Variants in MPP7 observed in about 807,000 individuals in gnomAD.
The protein encoded by MPP7 is MAGUK p55 scaffold protein 7.
A neutral mutation model predicts 76.5 loss-of-function variants in MPP7; 60 were observed. That is an observed-to-expected ratio of 0.78 (90% CI 0.64 to 0.97). The LOEUF is 0.97. Ranked by LOEUF, MPP7 falls within the 50% of genes least tolerant of loss-of-function variation. MPP7 has a pLI of 0.00. For synonymous variants in MPP7, 237 were observed against 244.5 expected (o/e 0.97, Z 0.29); for missense variants, 641 against 694.0 (o/e 0.92, Z 0.86).
At chr10:28,182,971 A>G (rs1245262407) in intron 3 of MPP7, among the ~76,000 whole-genome samples, 1 of 152,194 alleles carries the variant, frequency 6.6e-6, no homozygotes, top group Non-Finnish European at 1.5e-5. Flanking sequence ...CCAGCTATTC[A>G]GGAGGCTGAG....
intron 13 of MPP7, 97 bp downstream of exon 13, chr10:28,069,675 T>A: frequency 9.7e-6 from 10 of 1,030,796 alleles, no homozygotes; most frequent in Non-Finnish European, 1.4e-5. Context: ...ACCCAAAAAA[T>A]TTTAAAAACA....
chr10:28,167,317 AC>A (rs1342107343), intron 3 of MPP7, among the ~76,000 whole-genome samples: 123 of 7,170 alleles, frequency 0.017, 3 homozygotes, highest in East Asian at 0.14. Flanking sequence ...CCTCAAAAAA[AC>A]AAACAAACAA....
intron 12 of MPP7, among the ~76,000 whole-genome samples, chr10:28,081,560 A>G (rs1485795764): frequency 1.3e-5 from 2 of 152,188 alleles, no homozygotes; most frequent in Non-Finnish European, 2.9e-5. Flanking sequence ...TCACAGCTCA[A>G]AGTCCTCCAT....
At position 28,263,949 on chromosome 10, in the gene MPP7, C is replaced by A. The variant is rs112960110; in HGVS notation, c.-131-25214G>T. On this transcript the variant is annotated intron_variant, in intron 1 of 16. Transcript: ENST00000683449. ...CCAATTCCAGAGGCAGAGCTTCAAT[C>A]CCCAGAAAAAAGAAAGTTTGAGAGA... Among the ~76,000 whole-genome samples, 1,177 of 151,950 alleles carry A rather than the reference C, an allele frequency of 7.7e-3. 16 individuals carry two copies. Among genetic ancestry groups the A allele is most frequent in the African/African-American group, 0.027 (1,103 of 41,450 alleles).
intron 2 of MPP7, among the ~76,000 whole-genome samples, chr10:28,217,145 C>G (rs1395634996): frequency 6.6e-6 from 1 of 152,034 alleles, no homozygotes; most frequent in Non-Finnish European, 1.5e-5. Flanking sequence ...ATTTCAAAGG[C>G]TATATTAATT....
intron 3 of MPP7, among the ~76,000 whole-genome samples, chr10:28,166,055 C>T (rs1411914475): frequency 6.7e-6 from 1 of 150,052 alleles, no homozygotes; most frequent in African/African-American, 2.4e-5. Flanking sequence ...ATTTAGTGTC[C>T]CACATGGTCC....
chr10:28,301,541 T>G (rs1336493359), intron 1 of MPP7, among the ~76,000 whole-genome samples: 2 of 152,216 alleles, frequency 1.3e-5, no homozygotes, highest in Non-Finnish European at 2.9e-5. Flanking sequence ...CGGGATCAAA[T>G]TGGTATGCAG....
At chr10:28,056,874 T>G (rs1851577820) in intron 15 of MPP7, among the ~76,000 whole-genome samples, 1 of 152,210 alleles carries the variant, frequency 6.6e-6, no homozygotes, top group African/African-American at 2.4e-5. Flanking sequence ...TGACTAAAAA[T>G]ATCACAAAAC....
At chr10:28,095,194 C>CATATATATATATATATATATATATAT (rs10528025) in intron 11 of MPP7, among the ~76,000 whole-genome samples, 4 of 130,816 alleles carry the variant, frequency 3.1e-5, no homozygotes, top group African/African-American at 8.5e-5. Flanking sequence ...CACACATATG[C>CATATATATATATATATATATATATAT]ATATATATAT....
Position 28,203,496 on chromosome 10 carries a change from TA to T in MPP7, c.38-1226del, listed in dbSNP as rs72465209. ...GGCCAAAAAAAGCTAAAACAGTCTTTAAAAAAAAAAAAAAAAAAAACCTTCT... is the reference window on the plus strand; with the variant it reads ...GGCCAAAAAAAGCTAAAACAGTCTTTAAAAAAAAAAAAAAAAAAACCTTCT... On this transcript the variant is annotated intron_variant, in intron 2 of 16. Transcript: ENST00000683449. Among the ~76,000 whole-genome samples, 328 of 129,882 alleles carry T rather than the reference TA, an allele frequency of 2.5e-3. 1 individual carries two copies. The highest frequency in any genetic ancestry group is 0.013 in the South Asian group (56 of 4,310). 85.2% of individuals were successfully genotyped at this position (129,882 alleles called of 152,430 possible).
rs1008515952 is a variant in MPP7, at chr10:28,302,996, G to A, written c.-267C>T. Among the ~76,000 whole-genome samples the A allele has an allele frequency of 2.7e-5, 4 of 150,462 alleles. No individual in the cohort carries two copies. The highest frequency in any genetic ancestry group is 4.1e-4 in the South Asian group (2 of 4,830). ...GGGAGCCAGCGGGCTCGGCACCGCC[G>A]CGGCGGGCGCAGAACGCACGAGCCC... On this transcript the variant is annotated 5_prime_UTR_variant, in exon 1 of 17. Transcript: ENST00000683449.
chr10:28,236,860 T>C (rs1014244423), intron 2 of MPP7: 6 of 152,114 alleles, frequency 3.9e-5, no homozygotes, highest in African/African-American at 1.2e-4. Context: ...GACTGGCCAG[T>C]TGCAAACATC....
chr10:28,094,146 T>G (rs188940494), intron 11 of MPP7, among the ~76,000 whole-genome samples: 114 of 152,320 alleles, frequency 7.5e-4, no homozygotes, highest in Middle Eastern at 3.4e-3. Context: ...AGCCATACGC[T>G]GCACTTGTTC....
At chr10:28,180,912 T>C (rs1425302521) in intron 3 of MPP7, among the ~76,000 whole-genome samples, 1 of 152,162 alleles carries the variant, frequency 6.6e-6, no homozygotes, top group African/African-American at 2.4e-5. Context: ...TGGCCATAAC[T>C]AACATCAAGA....
chr10:28,082,770 C>CT (rs1281809399), intron 12 of MPP7, among the ~76,000 whole-genome samples: 4 of 151,988 alleles, frequency 2.6e-5, no homozygotes, highest in African/African-American at 4.8e-5. Flanking sequence ...CGCTCAGTCT[C>CT]TTTTTTTATT....
intron 1 of MPP7, among the ~76,000 whole-genome samples, chr10:28,268,680 A>G (rs939601883): frequency 3.3e-5 from 5 of 151,740 alleles, no homozygotes; most frequent in Non-Finnish European, 7.4e-5. Flanking sequence ...GATTGCAGTG[A>G]GCCGAGAATG....
In MPP7 at chr10:28,067,407, T is replaced by A. The variant is rs562003579; in HGVS notation, c.1204+2365A>T. Reference sequence around the variant, plus strand: ...AAATCACGCTGGTTTGATGCGGTATTTTCCAAACATGCTATAAATACAGAT... The same window carrying A: ...AAATCACGCTGGTTTGATGCGGTATATTCCAAACATGCTATAAATACAGAT... On this transcript the variant is annotated intron_variant, in intron 13 of 16. Transcript: ENST00000683449. 1.6e-4 allele frequency among the ~76,000 whole-genome samples: 25 copies of A among 152,334 alleles called. No homozygotes were observed. The East Asian group carries it at 2.7e-3, about 16-fold the overall frequency.
At position 28,224,926 on chromosome 10, in the gene MPP7, C is replaced by T. The variant is rs149543875; in HGVS notation, c.37+13642G>A. ...TTGTGAGAGCCACTCTCCCCTATCC[C>T]CAGTGCTCTGTCAGTTGAGAAATTC... is the stretch of plus-strand genomic sequence containing the variant. On this transcript the variant is annotated intron_variant, in intron 2 of 16. Coordinates refer to ENST00000683449, the MANE Select transcript of MPP7 (RefSeq NM_001318170.2). 6.1e-3 allele frequency among the ~76,000 whole-genome samples: 936 copies of T among 152,204 alleles called. 7 individuals are homozygous for T. Among genetic ancestry groups the T allele is most frequent in the Middle Eastern group, 0.041 (12 of 294 alleles).
chr10:28,056,347 T>C, intron 16 of MPP7, 133 bp downstream of exon 16: 1 of 861,184 alleles, frequency 1.2e-6, no homozygotes, highest in Non-Finnish European at 1.8e-6. Flanking sequence ...TTTGTAGAGA[T>C]GGGGTTTCAC....
Sources: gnomAD v4.1 joint callset for allele counts (sites outside exome capture counted in the v4.1 genomes callset) on GRCh38, gnomAD v4.1.1 for gene constraint, MANE v1.5 for transcripts, NCBI Gene and HGNC (gene_info 2026-07-23, HGNC 2026-07-21) for gene names.